Variants in SPR observed in about 807,000 individuals in gnomAD.
The protein encoded by SPR is sepiapterin reductase, also known as Sepiapterin reductase (L-erythro-7,8-dihydrobiopterin forming).
SPR carries 12 observed loss-of-function variants against 16.0 expected under a neutral mutation model. The ratio of observed to expected loss-of-function variants is 0.75; its 90% confidence interval spans 0.48 to 1.22. SPR has a LOEUF of 1.22. Ranked by LOEUF, SPR falls within the 50% of genes most tolerant of loss-of-function variation. The pLI is 0.00. For missense variants in SPR, 324 were observed against 344.4 expected, an observed-to-expected ratio of 0.94 and a Z score of 0.47; for synonymous variants, 177 against 168.5, an observed-to-expected ratio of 1.05 and a Z score of -0.39.
chr2:72,889,089 T>C (rs539826628), intron 2 of SPR, among the ~76,000 whole-genome samples: 5 of 152,206 alleles, frequency 3.3e-5, no homozygotes, highest in Non-Finnish European at 7.3e-5. Flanking sequence ...ACTATGCAGA[T>C]GTGTGTTCCT....
Position 72,887,752 on chromosome 2 carries a change from T to C in SPR, c.304+16T>C. ...AACAACGCGGGTAAGACCCCGGGGC[T>C]GGAGCGGACTCCCCATGTGAGCGCC... On this transcript the variant is annotated intron_variant, in intron 1 of 2. Coordinates refer to ENST00000234454, the MANE Select transcript of SPR (RefSeq NM_003124.5). 6.7e-7 allele frequency: 1 copy of C among 1,499,192 alleles called. No individual in the cohort carries two copies. Among genetic ancestry groups the C allele is most frequent in the African/African-American group, 1.4e-5 (1 of 70,300 alleles). 92.9% of individuals were successfully genotyped at this position (1,499,192 alleles called of 1,614,324 possible).
chr2:72,889,550 C>A (rs1670589943), intron 2 of SPR, among the ~76,000 whole-genome samples: 1 of 151,498 alleles, frequency 6.6e-6, no homozygotes, highest in Non-Finnish European at 1.5e-5. Context: ...TCCAGTACCC[C>A]AGCCCCTACC....
chr2:72,891,026 G>A (rs1304118450), intron 2 of SPR, among the ~76,000 whole-genome samples: 3 of 152,318 alleles, frequency 2.0e-5, no homozygotes, highest in East Asian at 1.9e-4. Context: ...AGTGATGGAC[G>A]TTTTGAGTCT....
intron 2 of SPR, among the ~76,000 whole-genome samples, chr2:72,890,209 T>A (rs904711568): frequency 3.9e-5 from 6 of 152,216 alleles, no homozygotes; most frequent in Admixed American, 3.3e-4. Context: ...TGGCAGGTCT[T>A]CAGTTTGCCT....
intron 2 of SPR, among the ~76,000 whole-genome samples, chr2:72,890,129 C>T (rs921969926): frequency 2.6e-5 from 4 of 152,072 alleles, no homozygotes; most frequent in Admixed American, 6.5e-5. Flanking sequence ...TGGACATTGA[C>T]CTTGGTTGTT....
At position 72,889,469 on chromosome 2, in the gene SPR, G is replaced by A. The variant is rs139344958; in HGVS notation, c.595+865G>A. ...GTCAGGCTCCCAGGGCAGACAGGTA[G>A]AATGGCCTGCACAAAGCACAGATGT... On this transcript the variant is annotated intron_variant, in intron 2 of 2. Coordinates refer to ENST00000234454, the MANE Select transcript of SPR (RefSeq NM_003124.5). Among the ~76,000 whole-genome samples the A allele has an allele frequency of 9.3e-4, 142 of 152,312 alleles. 2 individuals carry two copies. Among genetic ancestry groups the A allele is most frequent in the African/African-American group, 2.9e-3 (119 of 41,546 alleles).
intron 2 of SPR, among the ~76,000 whole-genome samples, chr2:72,889,463 CAGGT>C (rs1436885477): frequency 6.6e-6 from 1 of 152,154 alleles, no homozygotes; most frequent in African/African-American, 2.4e-5. Flanking sequence ...CCAGGGCAGA[CAGGT>C]AGAATGGCCT....
chr2:72,890,973 G>C (rs1252908609), intron 2 of SPR, among the ~76,000 whole-genome samples: 1 of 151,898 alleles, frequency 6.6e-6, no homozygotes, highest in Non-Finnish European at 1.5e-5. Context: ...GGTCCTACCT[G>C]GTGCCTGGTT....
At chr2:72,889,725 T>C (rs1247149226) in intron 2 of SPR, among the ~76,000 whole-genome samples, 1 of 152,196 alleles carries the variant, frequency 6.6e-6, no homozygotes, top group Admixed American at 6.5e-5. Flanking sequence ...GCGTTTGGTC[T>C]CAGGAGGCTG....
Position 72,888,427 on chromosome 2 carries a change from A to G in SPR, c.418A>G (p.Lys140Glu), listed in dbSNP as rs1438381890. 6.2e-7 allele frequency: 1 copy of G among 1,613,872 alleles called. No homozygotes were observed. The highest frequency in any genetic ancestry group is 1.3e-5 in the African/African-American group (1 of 74,896). The change falls in exon 2 of 3, where the codon AAG becomes GAG. Residue 140 changes from lysine (K) to glutamate (E), a missense_variant. Transcript: ENST00000234454. ...SMLCLTSSVL[K>E]AFPDSPGLNR... ...GCTCTGCCTGACTTCCAGCGTCCTG[A>G]AGGCCTTCCCGGACAGTCCTGGCCT...
At chr2:72,889,915 G>C (rs1278912688) in intron 2 of SPR, among the ~76,000 whole-genome samples, 1 of 152,208 alleles carries the variant, frequency 6.6e-6, no homozygotes, top group African/African-American at 2.4e-5. Context: ...CAGGTCATTG[G>C]AAAATAGTCA....
intron 2 of SPR, 24 bp downstream of exon 2, chr2:72,888,628 C>T (rs903708788): frequency 1.2e-5 from 19 of 1,579,810 alleles, no homozygotes; most frequent in Non-Finnish European, 1.5e-5. Context: ...CCTGCCGTCC[C>T]TGTCCTCCAG....
At position 72,888,751 on chromosome 2, in the gene SPR, A is replaced by G. The variant is rs1274223299; in HGVS notation, c.595+147A>G. 2.7e-5 allele frequency: 25 copies of G among 925,938 alleles called. No individual in the cohort carries two copies. The Admixed American group carries it at 7.7e-4, about 28-fold the overall frequency. The allele number at this position is 925,938 out of a possible 1,614,324, so 57.4% of individuals were successfully genotyped here. A position where few individuals can be genotyped will look rare whatever the true frequency, so the allele number is the denominator to read the frequency against. On this transcript the variant is annotated intron_variant, in intron 2 of 2. Coordinates refer to ENST00000234454, the MANE Select transcript of SPR (RefSeq NM_003124.5). ...TGACCCATCACCCCTTAGGGGAAAT[A>G]CAGACCCAGGGGAAATAGAGGTGGC...
Position 72,891,570 on chromosome 2 carries a change from C to T in SPR, c.*33C>T. The T allele has an allele frequency of 1.9e-6, 3 of 1,613,166 alleles. No homozygotes were observed. The highest frequency in any genetic ancestry group is 1.1e-5 in the South Asian group (1 of 90,966). ...TTTTTGGCTTCCTGAACCTTTTTGC[C>T]CCCACTTTTAGACATACCCCAGAGC... is the stretch of plus-strand genomic sequence containing the variant. On this transcript the variant is annotated 3_prime_UTR_variant, in exon 3 of 3. Transcript: ENST00000234454.
In SPR at chr2:72,887,733, GCGGGTAAGACCC is replaced by G. The variant is rs1670562900; in HGVS notation, c.304+2_304+13del. 3 of 1,511,806 alleles carry G rather than the reference GCGGGTAAGACCC, an allele frequency of 2.0e-6. No individual in the cohort carries two copies. The East Asian group carries it at 7.8e-5, about 39-fold the overall frequency. The allele number at this position is 1,511,806 out of a possible 1,614,324, so 93.6% of individuals were successfully genotyped here. Reference sequence around the variant, plus strand: ...GCAGCGACTGCTGCTTATCAACAACGCGGGTAAGACCCCGGGGCTGGAGCGGACTCCCCATGT... The same window carrying G: ...GCAGCGACTGCTGCTTATCAACAACGCGGGGCTGGAGCGGACTCCCCATGT... On this transcript the variant is annotated splice_donor_variant and splice_donor_5th_base_variant and coding_sequence_variant and intron_variant, in exon 1 of 3. Transcript: ENST00000234454. LOFTEE classifies it high-confidence loss of function.
intron 1 of SPR, 55 bp downstream of exon 1, chr2:72,887,791 G>T (rs1670563618): frequency 1.4e-6 from 2 of 1,439,220 alleles, no homozygotes; most frequent in East Asian, 2.8e-5. Context: ...TTCCTCCACC[G>T]CTGGGGAATT....
At chr2:72,889,180 T>C (rs371751476) in intron 2 of SPR, among the ~76,000 whole-genome samples, 32 of 152,222 alleles carry the variant, frequency 2.1e-4, no homozygotes, top group African/African-American at 7.0e-4. Flanking sequence ...TGTTGAGTGC[T>C]GACCATCCCT....
rs1670625306 is a variant in SPR, at chr2:72,891,751, AAGGAGGCTT to A, written c.*220_*228del. On this transcript the variant is annotated 3_prime_UTR_variant, in exon 3 of 3. Coordinates refer to ENST00000234454, the MANE Select transcript of SPR (RefSeq NM_003124.5). ...GTCTGTGCTGTGCACCCTGGGTTAT[AAGGAGGCTT>A]AGGAGAGAGGTTATGGGTATTGGTG... The A allele has an allele frequency of 1.6e-6, 1 of 619,772 alleles. No homozygotes were observed. The highest frequency in any genetic ancestry group is 2.7e-5 in the Admixed American group (1 of 37,450). The allele number at this position is 619,772 out of a possible 1,614,324, so 38.4% of individuals were successfully genotyped here.
intron 2 of SPR, 78 bp from the exon 3 acceptor site, chr2:72,891,269 C>T: frequency 6.6e-7 from 1 of 1,524,452 alleles, no homozygotes; most frequent in Non-Finnish European, 9.1e-7. Flanking sequence ...AGCCCCACCC[C>T]CGACATAAAA....
Sources: allele counts gnomAD v4.1 joint callset (sites outside exome capture counted in the v4.1 genomes callset), GRCh38; gene constraint gnomAD v4.1.1; transcripts MANE v1.5; gene names NCBI Gene and HGNC (gene_info 2026-07-23, HGNC 2026-07-21).